The following FBXO15 variants were observed in gnomAD, a reference collection of about 807,000 sequenced individuals.
The protein encoded by FBXO15 is F-box protein 15.
A neutral mutation model predicts 49.5 loss-of-function variants in FBXO15; 30 were observed. That is an observed-to-expected ratio of 0.61 (90% CI 0.45 to 0.82). FBXO15 has a LOEUF of 0.82. Among genes scored for constraint, FBXO15 ranks in the 40% least tolerant of loss-of-function variants. The pLI is 0.00. For missense variants in FBXO15, 591 were observed against 631.5 expected, an observed-to-expected ratio of 0.94 and a Z score of 0.69; for synonymous variants, 250 against 232.7, an observed-to-expected ratio of 1.07 and a Z score of -0.68.
intron 8 of FBXO15, among the ~76,000 whole-genome samples, chr18:74,105,835 G>A (rs981293534): frequency 6.6e-6 from 1 of 152,064 alleles, no homozygotes; most frequent in African/African-American, 2.4e-5. Flanking sequence ...AGGGATAGAT[G>A]AAAACTCCAA....
At chr18:74,107,632 G>A (rs887804379) in intron 8 of FBXO15, among the ~76,000 whole-genome samples, 1 of 152,170 alleles carries the variant, frequency 6.6e-6, no homozygotes, top group African/African-American at 2.4e-5. Context: ...TAAGCTGCTA[G>A]AGACTCAGTG....
chr18:74,096,923 G>A (rs1913303628), intron 8 of FBXO15: 1 of 152,336 alleles, frequency 6.6e-6, no homozygotes, highest in Admixed American at 6.5e-5. Context: ...ATGGAAGTAG[G>A]AAAGAGGAAT....
intron 8 of FBXO15, among the ~76,000 whole-genome samples, chr18:74,106,755 T>A (rs1913785023): frequency 6.6e-6 from 1 of 152,188 alleles, no homozygotes; most frequent in South Asian, 2.1e-4. Context: ...AACAATCAGA[T>A]GTCCTTTTCA....
chr18:74,123,541 T>A, intron 7 of FBXO15, 31 bp from the exon 8 acceptor site: 1 of 1,578,418 alleles, frequency 6.3e-7, no homozygotes, highest in East Asian at 2.2e-5. Flanking sequence ...AACATACAAA[T>A]TTGTCAACAC....
intron 8 of FBXO15, among the ~76,000 whole-genome samples, chr18:74,087,136 C>T (rs977242002): frequency 3.3e-5 from 5 of 152,210 alleles, no homozygotes; most frequent in African/African-American, 4.8e-5. Context: ...ACCATCTGAG[C>T]CTTCCGCAAA....
At chr18:74,146,930 G>GT (rs1352312154) in intron 1 of FBXO15, 1 of 152,206 alleles carries the variant, frequency 6.6e-6, no homozygotes, top group Admixed American at 6.5e-5. Context: ...CCTCAAGAAT[G>GT]TAAACCATTC....
intron 1 of FBXO15, among the ~76,000 whole-genome samples, chr18:74,141,157 G>A (rs890392149): frequency 6.6e-5 from 10 of 152,180 alleles, no homozygotes; most frequent in African/African-American, 2.2e-4. Context: ...TTTATGCAGT[G>A]AGTCTTTTTC....
chr18:74,121,532 G>A (rs907985014), intron 8 of FBXO15, among the ~76,000 whole-genome samples: 14 of 152,140 alleles, frequency 9.2e-5, no homozygotes, highest in Non-Finnish European at 2.1e-4. Context: ...TATACCTCAG[G>A]TTAATATGTG....
intron 2 of FBXO15, among the ~76,000 whole-genome samples, chr18:74,139,629 G>A (rs975900793): frequency 1.3e-5 from 2 of 152,228 alleles, no homozygotes; most frequent in African/African-American, 2.4e-5. Context: ...CTAGCTTCCT[G>A]CAGTGTAAAA....
intron 1 of FBXO15, among the ~76,000 whole-genome samples, chr18:74,146,124 T>C (rs1480292353): frequency 1.3e-5 from 2 of 152,234 alleles, no homozygotes; most frequent in Non-Finnish European, 2.9e-5. Context: ...ATTTTAAATA[T>C]CTGGCAAATC....
At chr18:74,105,542 C>T (rs773024463) in intron 8 of FBXO15, among the ~76,000 whole-genome samples, 5 of 151,844 alleles carry the variant, frequency 3.3e-5, no homozygotes, top group Non-Finnish European at 5.9e-5. Flanking sequence ...CAGGTTCAAA[C>T]GATTCTCCTG....
At chr18:74,117,683 G>A (rs1195919198) in intron 8 of FBXO15, among the ~76,000 whole-genome samples, 1 of 152,108 alleles carries the variant, frequency 6.6e-6, no homozygotes, top group Non-Finnish European at 1.5e-5. Context: ...AGTACCCACA[G>A]CTCAGGCGTG....
chr18:74,073,683 G>C lies in FBXO15; in HGVS notation c.1311C>G (p.Pro437=). ...DVTLLDEHGK[P]FWCFSSPVCL... is the part of the protein sequence containing the mutation. ...ACACCGGGGAACTGAAACACCAAAA[G>C]GGTTTCCCATGTTCATCCAAAAGAG... Residue 437 remains proline (P), a synonymous_variant, in exon 10 of 10, where the codon CCC becomes CCG. Coordinates refer to ENST00000419743, the MANE Select transcript of FBXO15 (RefSeq NM_001142958.2). 1 of 1,614,082 alleles carries C rather than the reference G, an allele frequency of 6.2e-7. No individual in the cohort carries two copies. The highest frequency in any genetic ancestry group is 8.5e-7 in the Non-Finnish European group (1 of 1,180,006).
At chr18:74,142,068 G>A (rs917138999) in intron 1 of FBXO15, among the ~76,000 whole-genome samples, 10 of 151,862 alleles carry the variant, frequency 6.6e-5, no homozygotes, top group Admixed American at 5.2e-4. Flanking sequence ...AAAATGCACC[G>A]AGGAAAAAAA....
chr18:74,129,624 G>T lies in FBXO15; in HGVS notation c.576-10C>A, dbSNP rs1173848998. The stretch of plus-strand genomic sequence containing the variant: ...ACCTAAACCAAATATTCTGGAGAAA[G>T]AAAAAAAAACTAACAATGTTTGCCT... On this transcript the variant is annotated splice_polypyrimidine_tract_variant and intron_variant, in intron 4 of 9. Coordinates refer to ENST00000419743, the MANE Select transcript of FBXO15 (RefSeq NM_001142958.2). 3.6e-6 allele frequency: 5 copies of T among 1,393,554 alleles called. No homozygotes were observed. Among genetic ancestry groups the T allele is most frequent in the Non-Finnish European group, 3.8e-6 (4 of 1,050,504 alleles). 86.3% of individuals were successfully genotyped at this position (1,393,554 alleles called of 1,614,324 possible). A position where few individuals can be genotyped will look rare whatever the true frequency, so the allele number is the denominator to read the frequency against.
rs142224030 is a variant in FBXO15 at position 74,080,975 on chromosome 18, GC to G, written c.1263+951del. On this transcript the variant is annotated intron_variant, in intron 9 of 9. Transcript: ENST00000419743. ...ATCTTAGTACCTACTTTTATTATAGGCTTTATTGAAATCTGAAGAAAAAGAA... is the reference window on the plus strand; with the variant it reads ...ATCTTAGTACCTACTTTTATTATAGGTTTATTGAAATCTGAAGAAAAAGAA... Among the ~76,000 whole-genome samples the G allele has an allele frequency of 7.8e-3, 1,183 of 152,202 alleles. 13 individuals carry two copies. Among genetic ancestry groups the G allele is most frequent in the African/African-American group, 0.024 (1,007 of 41,516 alleles).
chr18:74,144,839 T>C lies in FBXO15; in HGVS notation c.116+2831A>G, dbSNP rs1906391367. 2.6e-5 allele frequency among the ~76,000 whole-genome samples: 4 copies of C among 152,216 alleles called. No homozygotes were observed. In the South Asian group the frequency reaches 8.3e-4, roughly 32 times the overall value. On this transcript the variant is annotated intron_variant, in intron 1 of 9. Coordinates refer to ENST00000419743, the MANE Select transcript of FBXO15 (RefSeq NM_001142958.2). ...GCTTAGATGTTTCAAGAATACATAC[T>C]GGCTTAATCCACCACCAAGTTCTTA...
At chr18:74,080,087 A>G (rs1235876064) in intron 9 of FBXO15, among the ~76,000 whole-genome samples, 1 of 152,218 alleles carries the variant, frequency 6.6e-6, no homozygotes, top group East Asian at 1.9e-4. Context: ...TAAAAGTCAT[A>G]TGTACCTAAG....
chr18:74,092,168 G>A (rs1229196485), intron 8 of FBXO15, among the ~76,000 whole-genome samples: 1 of 152,044 alleles, frequency 6.6e-6, no homozygotes, highest in Non-Finnish European at 1.5e-5. Context: ...TGATTCTGTT[G>A]TTAATACTTG....
Sources: gnomAD v4.1 joint callset for allele counts (sites outside exome capture counted in the v4.1 genomes callset) on GRCh38, gnomAD v4.1.1 for gene constraint, MANE v1.5 for transcripts, NCBI Gene and HGNC (gene_info 2026-07-23, HGNC 2026-07-21) for gene names.